The following EVL variants were observed in gnomAD, a reference collection of about 807,000 sequenced individuals.
EVL encodes the protein Enah/Vasp-like, also known as ena/VASP-like protein.
A neutral mutation model predicts 59.6 loss-of-function variants in EVL; 21 were observed. The ratio of observed to expected loss-of-function variants is 0.35; its 90% CI spans 0.25 to 0.51. The LOEUF is 0.51. Among genes scored for constraint, EVL ranks in the 20% least tolerant of loss-of-function variants. EVL has a pLI of 0.97. For missense variants in EVL, 462 were observed against 546.6 expected, an observed-to-expected ratio of 0.85 and a Z score of 1.54; for synonymous variants, 198 against 203.5, an observed-to-expected ratio of 0.97 and a Z score of 0.23.
At chr14:99,992,605 A>G (rs1002646393) in intron 1 of EVL, among the ~76,000 whole-genome samples, 10 of 152,172 alleles carry the variant, frequency 6.6e-5, no homozygotes, top group Non-Finnish European at 1.2e-4. Flanking sequence ...ATCTTTGTGT[A>G]TGGTGTAAGG....
chr14:100,017,236 C>G (rs1196965007), intron 1 of EVL, among the ~76,000 whole-genome samples: 1 of 152,138 alleles, frequency 6.6e-6, no homozygotes, highest in Non-Finnish European at 1.5e-5. Context: ...TGTCCTCTAC[C>G]AGGACCTTAT....
intron 1 of EVL, among the ~76,000 whole-genome samples, chr14:100,077,580 A>G (rs1048196134): frequency 6.6e-6 from 1 of 152,166 alleles, no homozygotes; most frequent in African/African-American, 2.4e-5. Context: ...GACAGAGCCC[A>G]TGAGGAGACG....
intron 1 of EVL, among the ~76,000 whole-genome samples, chr14:100,016,171 T>C (rs532949884): frequency 5.0e-4 from 76 of 151,830 alleles, no homozygotes; most frequent in African/African-American, 1.8e-3. Flanking sequence ...AGTCCCAGAG[T>C]AGGAGTGTGC....
chr14:100,109,811 C>T lies in EVL; in HGVS notation c.358+12153C>T, dbSNP rs1215963846. ...CAGCCACAGCCTATGGAAGGGCCTT[C>T]AGCTGCTGTGGCCCCGAGGTGTGCA... On this transcript the variant is annotated intron_variant, in intron 3 of 13. Transcript: ENST00000392920. This position sits in a 1 kb window ranked among gnomAD's most constrained non-coding sequence, Gnocchi z 4.3. The T allele has an allele frequency of 4.3e-6, 2 of 461,244 alleles. No individual in the cohort carries two copies. The highest frequency in any genetic ancestry group is 2.0e-5 in the African/African-American group (1 of 50,506). 28.6% of individuals were successfully genotyped at this position (461,244 alleles called of 1,614,324 possible).
At chr14:99,990,884 G>GAT (rs1054812592) in intron 1 of EVL, among the ~76,000 whole-genome samples, 12 of 151,842 alleles carry the variant, frequency 7.9e-5, no homozygotes, top group South Asian at 2.1e-4. Flanking sequence ...AATGGTTCTG[G>GAT]ATATATATAT....
chr14:99,992,974 G>A (rs1333225225), intron 1 of EVL, among the ~76,000 whole-genome samples: 1 of 151,168 alleles, frequency 6.6e-6, no homozygotes, highest in African/African-American at 2.4e-5. Flanking sequence ...TATGGTTTTT[G>A]TCCTTCATTT....
chr14:100,093,573 C>T (rs527759880), intron 2 of EVL, among the ~76,000 whole-genome samples: 50 of 152,274 alleles, frequency 3.3e-4, no homozygotes, highest in Admixed American at 2.7e-3. Context: ...AGAACAGAAA[C>T]GGCAGGGCCA....
chr14:100,081,002 G>A (rs1212697), intron 1 of EVL, among the ~76,000 whole-genome samples: 93,117 of 152,064 alleles, frequency 0.61, 31,757 homozygotes, highest in Non-Finnish European at 0.75. Context: ...TAGGCACGGT[G>A]GCTCATGCCA....
intron 1 of EVL, among the ~76,000 whole-genome samples, chr14:100,043,688 CTG>C (rs1229803453): frequency 3.3e-5 from 5 of 150,572 alleles, no homozygotes; most frequent in African/African-American, 1.2e-4. Context: ...TCATGGCACA[CTG>C]TAGCCTCATG....
intron 3 of EVL, among the ~76,000 whole-genome samples, chr14:100,110,001 G>T (rs1342162241): frequency 2.0e-5 from 3 of 152,246 alleles, no homozygotes; most frequent in Admixed American, 6.5e-5. Flanking sequence ...ACCATGAGAT[G>T]ATGTTTGTAA....
At position 99,972,800 on chromosome 14, in the gene EVL, A is replaced by G. The variant is rs1174096959; in HGVS notation, c.5+743A>G. On this transcript the variant is annotated intron_variant, in intron 1 of 13. Transcript: ENST00000402714. This position sits in a 1 kb window ranked among gnomAD's most constrained non-coding sequence, Gnocchi z 4.4. Reference sequence around the variant, plus strand: ...CTGTCGTGACTTTTTTGGGGTAATCACTTTTTTTTTTTCCATTTGTAATTT... The same window carrying G: ...CTGTCGTGACTTTTTTGGGGTAATCGCTTTTTTTTTTTCCATTTGTAATTT... 6.9e-6 allele frequency among the ~76,000 whole-genome samples: 1 copy of G among 145,520 alleles called. No individual in the cohort carries two copies. Among genetic ancestry groups the G allele is most frequent in the Non-Finnish European group, 1.5e-5 (1 of 66,530 alleles).
At chr14:99,992,931 A>G (rs942665955) in intron 1 of EVL, among the ~76,000 whole-genome samples, 2 of 151,708 alleles carry the variant, frequency 1.3e-5, no homozygotes, top group African/African-American at 4.9e-5. Flanking sequence ...GAATTTTGTC[A>G]TATGCATTTT....
intron 1 of EVL, among the ~76,000 whole-genome samples, chr14:100,068,237 T>C (rs2061975542): frequency 6.6e-6 from 1 of 152,086 alleles, no homozygotes. Flanking sequence ...TATCCTCAGC[T>C]GGGGACGAGG....
intron 3 of EVL, among the ~76,000 whole-genome samples, chr14:100,101,158 G>A (rs543757921): frequency 3.9e-5 from 6 of 152,124 alleles, no homozygotes; most frequent in Non-Finnish European, 8.8e-5. Flanking sequence ...TCAAGAGTTC[G>A]AGACCAGCCT....
rs541316669 is a variant in EVL at position 100,127,166 on chromosome 14, G to A, written c.487+395G>A. ...CGTAGTGAACACTGTGGCAAGTGACGTGCAGGTGCTGAAGGCCTACCTTGG... is the reference window on the plus strand; with the variant it reads ...CGTAGTGAACACTGTGGCAAGTGACATGCAGGTGCTGAAGGCCTACCTTGG... On this transcript the variant is annotated intron_variant, in intron 5 of 13. Transcript: ENST00000392920. The surrounding 1 kb of genome is among the most constrained non-coding windows in gnomAD (Gnocchi z 4.2). 2.6e-5 allele frequency among the ~76,000 whole-genome samples: 4 copies of A among 152,338 alleles called. No individual in the cohort carries two copies. Among genetic ancestry groups the A allele is most frequent in the South Asian group, 2.1e-4 (1 of 4,830 alleles).
chr14:100,007,392 G>A (rs2060989140), intron 1 of EVL, among the ~76,000 whole-genome samples: 1 of 152,172 alleles, frequency 6.6e-6, no homozygotes, highest in African/African-American at 2.4e-5. Context: ...TGAGAGGCAG[G>A]TTTGGCCTAA....
intron 3 of EVL, among the ~76,000 whole-genome samples, chr14:100,100,948 GA>G (rs1372822875): frequency 6.6e-6 from 1 of 152,208 alleles, no homozygotes; most frequent in East Asian, 1.9e-4. Context: ...TCATGTGGTA[GA>G]GGGCATTCTT....
chr14:100,092,428 A>G (rs2062584569), intron 2 of EVL, among the ~76,000 whole-genome samples: 1 of 152,180 alleles, frequency 6.6e-6, no homozygotes, highest in Admixed American at 6.5e-5. Context: ...AAAATGGAAT[A>G]CTATGTAGCA....
chr14:100,104,113 G>A (rs574872398), intron 3 of EVL, among the ~76,000 whole-genome samples: 1 of 152,320 alleles, frequency 6.6e-6, no homozygotes, highest in South Asian at 2.1e-4. Context: ...CTAACACCAA[G>A]TAAGTGTTTG....
Sources: gnomAD v4.1 joint callset for allele counts (sites outside exome capture counted in the v4.1 genomes callset) on GRCh38, gnomAD v4.1.1 for gene constraint, Gnocchi (gnomAD v3.1) non-coding constraint, MANE v1.5 for transcripts, NCBI Gene and HGNC (gene_info 2026-07-23, HGNC 2026-07-21) for gene names.